Variants in NKAIN3 observed in about 807,000 individuals in gnomAD.
NKAIN3 encodes the protein sodium/potassium-transporting ATPase subunit beta-1-interacting protein 3.
A neutral mutation model predicts 30.2 loss-of-function variants in NKAIN3; 25 were observed. The ratio of observed to expected loss-of-function variants is 0.83; its 90% CI spans 0.60 to 1.16. NKAIN3 has a LOEUF of 1.16. Ranked by LOEUF, NKAIN3 falls within the 50% of genes most tolerant of loss-of-function variation. The probability of loss-of-function intolerance (pLI) is 0.00; values close to 1 mark genes in which losing one functional copy is unlikely to be tolerated. For synonymous variants in NKAIN3, 91 were observed against 89.6 expected (o/e 1.02, Z -0.09); for missense variants, 225 against 254.1 (o/e 0.89, Z 0.78).
chr8:62,577,880 C>T (rs1157528755), intron 1 of NKAIN3, among the ~76,000 whole-genome samples: 4 of 151,964 alleles, frequency 2.6e-5, no homozygotes, highest in South Asian at 2.1e-4. Context: ...CTTTAGGCTT[C>T]GCTCTCTTCT....
chr8:62,538,336 G>A (rs1329544870), intron 1 of NKAIN3, among the ~76,000 whole-genome samples: 1 of 152,022 alleles, frequency 6.6e-6, no homozygotes, highest in Non-Finnish European at 1.5e-5. Context: ...CACTACACAC[G>A]GCTAATTTGT....
intron 4 of NKAIN3, among the ~76,000 whole-genome samples, chr8:62,747,422 A>G (rs1035138327): frequency 2.6e-4 from 40 of 152,316 alleles, no homozygotes; most frequent in African/African-American, 9.4e-4. Flanking sequence ...GTCCCTTTTC[A>G]CTTAACTACC....
chr8:62,522,920 G>T (rs890328920), intron 1 of NKAIN3, among the ~76,000 whole-genome samples: 4 of 151,984 alleles, frequency 2.6e-5, no homozygotes, highest in Admixed American at 1.3e-4. Context: ...ACTGAAGAAA[G>T]AAAAGTATTG....
rs932355067 is a variant in NKAIN3 at position 62,609,345 on chromosome 8, A to G, written c.273+19551A>G. The stretch of plus-strand genomic sequence containing the variant: ...AAATAATGCTGTTATAAATGTGCTG[A>G]AGGCATTGTACTTGCTGGAAAATGT... On this transcript the variant is annotated intron_variant, in intron 3 of 6. Coordinates refer to ENST00000623646, the MANE Select transcript of NKAIN3 (RefSeq NM_001304533.3). 9.2e-5 allele frequency among the ~76,000 whole-genome samples: 14 copies of G among 152,302 alleles called. No homozygotes were observed. In the East Asian group the frequency reaches 1.5e-3, roughly 17 times the overall value.
chr8:62,901,926 A>G (rs1026786403), intron 4 of NKAIN3, among the ~76,000 whole-genome samples: 5 of 152,210 alleles, frequency 3.3e-5, no homozygotes, highest in East Asian at 1.9e-4. Flanking sequence ...AGACATTGCC[A>G]TTTGTAAAAA....
At chr8:62,526,864 A>G (rs1215274612) in intron 1 of NKAIN3, among the ~76,000 whole-genome samples, 1 of 152,092 alleles carries the variant, frequency 6.6e-6, no homozygotes, top group Non-Finnish European at 1.5e-5. Context: ...GCTCAGCAGT[A>G]ACAACAAAGG....
At chr8:62,670,879 GCACACACACACACACACACACACA>G (rs57917158) in intron 3 of NKAIN3, among the ~76,000 whole-genome samples, 3 of 141,986 alleles carry the variant, frequency 2.1e-5, no homozygotes, top group African/African-American at 7.8e-5. Context: ...ACACATACAA[GCACACACACACACACACACACACA>G]CACACACACA....
chr8:62,865,523 C>A (rs79686098), intron 4 of NKAIN3, among the ~76,000 whole-genome samples: 2,431 of 152,192 alleles, frequency 0.016, 75 homozygotes, highest in African/African-American at 0.056. Context: ...GGTTTACTGA[C>A]CGTTTTCTTC....
chr8:62,684,968 A>G (rs1813751765), intron 3 of NKAIN3, among the ~76,000 whole-genome samples: 1 of 152,132 alleles, frequency 6.6e-6, no homozygotes, highest in African/African-American at 2.4e-5. Flanking sequence ...CTGTTGTTTA[A>G]GCCCCTGAGT....
chr8:62,471,461 AAT>A (rs1272788996), intron 1 of NKAIN3, among the ~76,000 whole-genome samples: 4 of 152,176 alleles, frequency 2.6e-5, no homozygotes, highest in African/African-American at 9.6e-5. Flanking sequence ...AAAAGTTGTC[AAT>A]GTTATTTAAA....
At chr8:62,258,365 G>A (rs1812324224) in intron 1 of NKAIN3, among the ~76,000 whole-genome samples, 1 of 152,182 alleles carries the variant, frequency 6.6e-6, no homozygotes, top group South Asian at 2.1e-4. Flanking sequence ...GAATCAGATT[G>A]GCTGGGCATA....
chr8:62,926,462 C>T (rs1822446418), intron 5 of NKAIN3, among the ~76,000 whole-genome samples: 1 of 152,198 alleles, frequency 6.6e-6, no homozygotes, highest in Non-Finnish European at 1.5e-5. Flanking sequence ...CTGATGCAAC[C>T]TCACAACGTC....
chr8:62,691,457 A>G (rs1198058772), intron 3 of NKAIN3, among the ~76,000 whole-genome samples: 1 of 152,166 alleles, frequency 6.6e-6, no homozygotes. Flanking sequence ...GTTAAAGGAA[A>G]TGGAGGATTC....
chr8:62,640,384 G>A (rs1812273360), intron 3 of NKAIN3, among the ~76,000 whole-genome samples: 1 of 152,076 alleles, frequency 6.6e-6, no homozygotes. Context: ...CGCCATGTAA[G>A]ACGTGTGTCT....
At chr8:62,780,487 A>G (rs1430477540) in intron 4 of NKAIN3, among the ~76,000 whole-genome samples, 1 of 152,162 alleles carries the variant, frequency 6.6e-6, no homozygotes, top group Non-Finnish European at 1.5e-5. Flanking sequence ...CAGCAAAGAA[A>G]GAAAACTACA....
rs1333569230 is a variant in NKAIN3 at position 62,582,366 on chromosome 8, G to T, written c.192+2690G>T. On this transcript the variant is annotated intron_variant, in intron 2 of 6. Transcript: ENST00000623646. ...GGTGCTTACCTTACAGTGCAATGAAGAGAGGTGTGCCTTTATCAAACAATT... is the reference window on the plus strand; with the variant it reads ...GGTGCTTACCTTACAGTGCAATGAATAGAGGTGTGCCTTTATCAAACAATT... Among the ~76,000 whole-genome samples, 4 of 152,118 alleles carry T rather than the reference G, an allele frequency of 2.6e-5. 1 individual carries two copies. Among genetic ancestry groups the T allele is most frequent in the African/African-American group, 4.8e-5 (2 of 41,422 alleles).
chr8:62,789,160 C>T (rs1344008183), intron 4 of NKAIN3, among the ~76,000 whole-genome samples: 1 of 152,068 alleles, frequency 6.6e-6, no homozygotes, highest in Non-Finnish European at 1.5e-5. Context: ...TCTTCCTACC[C>T]ATGAGCATGG....
intron 3 of NKAIN3, among the ~76,000 whole-genome samples, chr8:62,684,732 A>C (rs1813744182): frequency 6.6e-6 from 1 of 152,190 alleles, no homozygotes; most frequent in African/African-American, 2.4e-5. Context: ...TAAATAGGTA[A>C]TTAAGTTAGA....
intron 3 of NKAIN3, among the ~76,000 whole-genome samples, chr8:62,672,530 A>G (rs1813337485): frequency 6.6e-6 from 1 of 152,242 alleles, no homozygotes; most frequent in Non-Finnish European, 1.5e-5. Context: ...ACTTGGAACC[A>G]AAAGAGGCAT....
Sources: gnomAD v4.1 joint callset for allele counts (sites outside exome capture counted in the v4.1 genomes callset) on GRCh38, gnomAD v4.1.1 for gene constraint, MANE v1.5 for transcripts, NCBI Gene and HGNC (gene_info 2026-07-23, HGNC 2026-07-21) for gene names.